Variants in CTNNA2 observed in about 807,000 individuals in gnomAD.
The protein encoded by CTNNA2 is catenin alpha-2.
A neutral mutation model predicts 101.0 loss-of-function variants in CTNNA2; 42 were observed. The ratio of observed to expected loss-of-function variants is 0.42; its 90% CI spans 0.32 to 0.54. The LOEUF (loss-of-function observed/expected upper bound fraction) is 0.54. Among genes scored for constraint, CTNNA2 ranks in the 20% least tolerant of loss-of-function variants. The pLI, the probability that CTNNA2 is intolerant of heterozygous loss-of-function variation, is 0.14. For missense variants in CTNNA2, 871 were observed against 1,223.1 expected (o/e 0.71, Z 4.29); for synonymous variants, 450 against 456.4 (o/e 0.99, Z 0.18).
chr2:79,515,305 G>A (rs902384746), intron 1 of CTNNA2, among the ~76,000 whole-genome samples: 1 of 152,232 alleles, frequency 6.6e-6, no homozygotes, highest in Non-Finnish European at 1.5e-5. Context: ...CGTGAAACAA[G>A]TGAAAGACTG....
At chr2:80,170,157 A>G (rs1490569724) in intron 7 of CTNNA2, among the ~76,000 whole-genome samples, 1 of 150,204 alleles carries the variant, frequency 6.7e-6, no homozygotes, top group African/African-American at 2.5e-5. Flanking sequence ...TCTTTTTATA[A>G]TGCATTTTCC....
Position 79,402,591 on chromosome 2 carries a change from T to G in CTNNA2, c.-135+28578T>G, listed in dbSNP as rs1573148723. On this transcript the variant is annotated intron_variant, in intron 4 of 21. Transcript: ENST00000466387. ...AAGTTATATAAATATGGTCTCTCTC[T>G]CTGTCTCTCTCTCTCTGTCTCTCTA... 2.0e-5 allele frequency among the ~76,000 whole-genome samples: 3 copies of G among 151,756 alleles called. No homozygotes were observed. In the East Asian group the frequency reaches 5.8e-4, roughly 30 times the overall value.
At chr2:79,207,479 C>G (rs1558573471) in intron 2 of CTNNA2, among the ~76,000 whole-genome samples, 1 of 152,142 alleles carries the variant, frequency 6.6e-6, no homozygotes, top group Non-Finnish European at 1.5e-5. Flanking sequence ...TGAAAAGTTG[C>G]AGCCACAGTG....
intron 1 of CTNNA2, among the ~76,000 whole-genome samples, chr2:79,191,807 CATGTT>C (rs1673875224): frequency 6.6e-6 from 1 of 152,134 alleles, no homozygotes; most frequent in African/African-American, 2.4e-5. Context: ...GGTAAGCAAA[CATGTT>C]ATGTCACATA....
chr2:79,989,582 A>G (rs1428012699), intron 7 of CTNNA2, among the ~76,000 whole-genome samples: 1 of 152,140 alleles, frequency 6.6e-6, no homozygotes, highest in East Asian at 1.9e-4. Context: ...GCTGCAGTGT[A>G]CCATGATCAC....
At chr2:80,569,848 TAC>T (rs1279426402) in intron 12 of CTNNA2, among the ~76,000 whole-genome samples, 1 of 151,570 alleles carries the variant, frequency 6.6e-6, no homozygotes, top group East Asian at 2.0e-4. Context: ...TTCACTGTGT[TAC>T]CCAGGATGGT....
At chr2:80,216,254 G>T (rs1708263448) in intron 7 of CTNNA2, among the ~76,000 whole-genome samples, 1 of 152,266 alleles carries the variant, frequency 6.6e-6, no homozygotes, top group Admixed American at 6.5e-5. Flanking sequence ...CACTGCGTGG[G>T]CTACACCCAC....
chr2:80,350,071 G>C (rs1673141074), intron 7 of CTNNA2, among the ~76,000 whole-genome samples: 1 of 152,116 alleles, frequency 6.6e-6, no homozygotes, highest in African/African-American at 2.4e-5. Context: ...CAATTCTGTA[G>C]AAGCATCATT....
At chr2:79,763,037 A>C (rs1215496959) in intron 3 of CTNNA2, among the ~76,000 whole-genome samples, 2 of 152,058 alleles carry the variant, frequency 1.3e-5, no homozygotes, top group Non-Finnish European at 2.9e-5. Flanking sequence ...TTGGGGTCTT[A>C]TTCTGGTTTT....
At chr2:80,471,341 T>C (rs1321212810) in intron 9 of CTNNA2, among the ~76,000 whole-genome samples, 2 of 152,252 alleles carry the variant, frequency 1.3e-5, no homozygotes, top group African/African-American at 4.8e-5. Context: ...TCTTAAAGAC[T>C]GGAACTCTTA....
intron 12 of CTNNA2, 38 bp from the exon 13 acceptor site, chr2:80,574,125 G>T (rs1319341197): frequency 6.3e-7 from 1 of 1,589,128 alleles, no homozygotes; most frequent in East Asian, 2.2e-5. Context: ...TAGTGAGAGA[G>T]AAATTGCCTA....
intron 7 of CTNNA2, among the ~76,000 whole-genome samples, chr2:80,041,006 T>C (rs1027545097): frequency 6.9e-6 from 1 of 145,446 alleles, no homozygotes; most frequent in African/African-American, 2.8e-5. Context: ...GGTATAATTC[T>C]TTGAAATTGT....
intron 7 of CTNNA2, among the ~76,000 whole-genome samples, chr2:79,926,179 G>C (rs186594650): frequency 1.5e-4 from 23 of 152,160 alleles, no homozygotes; most frequent in Admixed American, 1.2e-3. Context: ...AGCAGTTCCT[G>C]GTTAAATATT....
intron 1 of CTNNA2, among the ~76,000 whole-genome samples, chr2:79,553,615 A>T (rs937832854): frequency 6.6e-6 from 1 of 152,182 alleles, no homozygotes; most frequent in Non-Finnish European, 1.5e-5. Context: ...AAGCAGGCAC[A>T]TCTTATATGG....
At chr2:80,073,816 G>A (rs1698511158) in intron 7 of CTNNA2, among the ~76,000 whole-genome samples, 1 of 150,534 alleles carries the variant, frequency 6.6e-6, no homozygotes, top group South Asian at 2.1e-4. Flanking sequence ...TATAACATTT[G>A]CAATAATATC....
intron 2 of CTNNA2, among the ~76,000 whole-genome samples, chr2:79,725,462 T>G (rs1157090525): frequency 6.6e-6 from 1 of 152,116 alleles, no homozygotes; most frequent in Non-Finnish European, 1.5e-5. Context: ...GCTCCAAGAG[T>G]GTTCTTTGCT....
chr2:80,375,601 G>A (rs1381163854), intron 7 of CTNNA2, among the ~76,000 whole-genome samples: 4 of 111,322 alleles, frequency 3.6e-5, no homozygotes, highest in Non-Finnish European at 5.0e-5. Flanking sequence ...GTCTCACTCT[G>A]TTGCCCAGGC....
intron 7 of CTNNA2, among the ~76,000 whole-genome samples, chr2:80,137,675 C>T (rs1291029397): frequency 6.6e-6 from 1 of 151,392 alleles, no homozygotes; most frequent in Non-Finnish European, 1.5e-5. Flanking sequence ...GATACTCAGA[C>T]GTAGGACCAT....
At chr2:80,078,888 T>C (rs1698935860) in intron 7 of CTNNA2, among the ~76,000 whole-genome samples, 1 of 152,164 alleles carries the variant, frequency 6.6e-6, no homozygotes, top group Non-Finnish European at 1.5e-5. Context: ...GCTAGGGGGA[T>C]GACATGGTTT....
Sources: gnomAD v4.1 joint callset for allele counts (sites outside exome capture counted in the v4.1 genomes callset) on GRCh38, gnomAD v4.1.1 for gene constraint, MANE v1.5 for transcripts, NCBI Gene and HGNC (gene_info 2026-07-23, HGNC 2026-07-21) for gene names.